CFAP263: variants seen among roughly 807,000 people sequenced by gnomAD.
CFAP263 encodes the protein cilia- and flagella-associated protein 263.
At chr16:58,267,024 A>G in the CFAP263 span, among the ~76,000 whole-genome samples, 8 of 152,234 alleles carry the variant, frequency 5.3e-5, no homozygotes, top group East Asian at 1.5e-3. Flanking sequence ...TAGCAGTAGC[A>G]CCCACCTCAT....
chr16:58,250,205 A>C, the CFAP263 span: 1 of 703,004 alleles, frequency 1.4e-6, no homozygotes, highest in Non-Finnish European at 2.4e-6. Context: ...CATGGAGAAG[A>C]TCCAAGCCCT....
the CFAP263 span, among the ~76,000 whole-genome samples, chr16:58,257,218 C>T: frequency 2.7e-5 from 3 of 113,134 alleles, no homozygotes; most frequent in East Asian, 3.9e-4. Context: ...GGGGTTTCAC[C>T]GTTTTAGCCG....
chr16:58,254,226 C>A, the CFAP263 span: 1 of 1,501,862 alleles, frequency 6.7e-7, no homozygotes, highest in Non-Finnish European at 9.2e-7. Context: ...TGAGAGGTAT[C>A]TAGAGTGGGT....
chr16:58,263,566 G>A, the CFAP263 span, among the ~76,000 whole-genome samples: 5 of 152,326 alleles, frequency 3.3e-5, no homozygotes, highest in African/African-American at 1.2e-4. Flanking sequence ...GGCTTAGGTA[G>A]CTCGCAGGTG....
the CFAP263 span, among the ~76,000 whole-genome samples, chr16:58,252,140 GGGA>G: frequency 6.6e-6 from 1 of 152,136 alleles, no homozygotes; most frequent in Non-Finnish European, 1.5e-5. Flanking sequence ...AAACCAAGGT[GGGA>G]GGATCACTTT....
chr16:58,273,535 A>C, the CFAP263 span, among the ~76,000 whole-genome samples: 1 of 152,214 alleles, frequency 6.6e-6, no homozygotes, highest in Admixed American at 6.5e-5. Context: ...GTTTTAAAAA[A>C]TGAATTTCTA....
the CFAP263 span, among the ~76,000 whole-genome samples, chr16:58,263,645 C>T: frequency 6.6e-6 from 1 of 152,070 alleles, no homozygotes; most frequent in African/African-American, 2.4e-5. Flanking sequence ...TATGTTTGTT[C>T]AACATTTTCC....
chr16:58,278,507 A>C, the CFAP263 span: 1 of 1,614,176 alleles, frequency 6.2e-7, no homozygotes, highest in Non-Finnish European at 8.5e-7. Flanking sequence ...GAGGCAGTGA[A>C]TAAGAGGCTC....
chr16:58,277,759 T>A, the CFAP263 span, among the ~76,000 whole-genome samples: 1 of 152,198 alleles, frequency 6.6e-6, no homozygotes, highest in Non-Finnish European at 1.5e-5. Flanking sequence ...GGAAGGACAT[T>A]CTGACACATA....
the CFAP263 span, chr16:58,280,030 C>T: frequency 6.2e-6 from 4 of 642,736 alleles, no homozygotes; most frequent in South Asian, 6.2e-5. Context: ...ATTTAGTTCA[C>T]AAGCATAGTG....
the CFAP263 span, chr16:58,259,831 T>C: frequency 2.8e-6 from 4 of 1,443,282 alleles, no homozygotes; most frequent in African/African-American, 4.2e-5. Flanking sequence ...TTAAATGCAT[T>C]AAAATATGCC....
At chr16:58,262,585 A>AAAGTAAGG in the CFAP263 span, 40 of 1,526,470 alleles carry the variant, frequency 2.6e-5, no homozygotes, top group Middle Eastern at 5.3e-4. Flanking sequence ...GGCTTTCCAC[A>AAAGTAAGG]CTCACCTTTC....
chr16:58,262,413 A>T, the CFAP263 span: 21 of 1,612,552 alleles, frequency 1.3e-5, no homozygotes, highest in South Asian at 1.5e-4. Flanking sequence ...GCCCTTCACG[A>T]TGTTGATTTT....
the CFAP263 span, chr16:58,267,444 C>G: frequency 2.7e-6 from 4 of 1,455,210 alleles, no homozygotes. Flanking sequence ...GAGAGGTCAT[C>G]TTAGCTCAAG....
At chr16:58,278,616 A>C in the CFAP263 span, 3 of 1,614,190 alleles carry the variant, frequency 1.9e-6, no homozygotes, top group Non-Finnish European at 2.5e-6. Context: ...GGATGTGGGA[A>C]AGGAAAGTGG....
At chr16:58,263,818 A>C in the CFAP263 span, among the ~76,000 whole-genome samples, 2 of 152,204 alleles carry the variant, frequency 1.3e-5, no homozygotes, top group African/African-American at 4.8e-5. Context: ...TCTCTACTAA[A>C]AATACAAAAA....
the CFAP263 span, among the ~76,000 whole-genome samples, chr16:58,259,087 A>G: frequency 1.3e-5 from 2 of 152,160 alleles, no homozygotes; most frequent in African/African-American, 4.8e-5. Flanking sequence ...AGTACCTCAG[A>G]TTGATCTCTG....
At chr16:58,255,176 C>T in the CFAP263 span, among the ~76,000 whole-genome samples, 4 of 152,310 alleles carry the variant, frequency 2.6e-5, no homozygotes, top group South Asian at 6.2e-4. Context: ...GCCGAAGGCC[C>T]TAGAGCCCCC....
chr16:58,280,335 G>A, the CFAP263 span: 28 of 1,614,108 alleles, frequency 1.7e-5, no homozygotes, highest in Non-Finnish European at 2.4e-5. Context: ...CCTCCCCACC[G>A]TAATAGTCAT....
Sources: gnomAD v4.1 joint callset for allele counts (sites outside exome capture counted in the v4.1 genomes callset) on GRCh38, gnomAD v4.1.1 for gene constraint, MANE v1.5 for transcripts, NCBI Gene and HGNC (gene_info 2026-07-23, HGNC 2026-07-21) for gene names.